SNTB1: variants seen among roughly 807,000 people sequenced by gnomAD.
SNTB1 encodes the protein syntrophin beta 1, also known as beta-1-syntrophin.
Under a neutral mutation model 48.9 loss-of-function variants are expected in SNTB1, and 36 were observed. The observed-to-expected ratio is 0.74, with a 90% CI of 0.56 to 0.97. The LOEUF is 0.97. Ranked by LOEUF, SNTB1 falls within the 50% of genes least tolerant of loss-of-function variation. The pLI is 0.00. For synonymous variants in SNTB1, 299 were observed against 294.6 expected, an observed-to-expected ratio of 1.01 and a Z score of -0.15; for missense variants, 786 against 703.4, an observed-to-expected ratio of 1.12 and a Z score of -1.33.
chr8:120,632,121 T>A (rs1451728997), intron 3 of SNTB1, among the ~76,000 whole-genome samples: 2 of 152,196 alleles, frequency 1.3e-5, no homozygotes, highest in African/African-American at 4.8e-5. Flanking sequence ...AGAGCTCTGT[T>A]CTGAGTTTGA....
At chr8:120,773,180 T>G (rs1007294089) in intron 1 of SNTB1, among the ~76,000 whole-genome samples, 1 of 152,120 alleles carries the variant, frequency 6.6e-6, no homozygotes, top group African/African-American at 2.4e-5. Flanking sequence ...TGGGGTAATA[T>G]GGAGGAAATC....
intron 1 of SNTB1, among the ~76,000 whole-genome samples, chr8:120,739,072 G>C (rs1044675041): frequency 6.6e-6 from 1 of 152,240 alleles, no homozygotes; most frequent in East Asian, 1.9e-4. Context: ...GAGGTCCTCA[G>C]AATGCGGCAA....
intron 1 of SNTB1, among the ~76,000 whole-genome samples, chr8:120,743,034 A>AG (rs1255099764): frequency 6.6e-6 from 1 of 152,216 alleles, no homozygotes; most frequent in African/African-American, 2.4e-5. Flanking sequence ...AAAAAAGTAA[A>AG]GTGAGGTAGG....
At chr8:120,690,329 T>C (rs539557791) in intron 2 of SNTB1, among the ~76,000 whole-genome samples, 3 of 152,320 alleles carry the variant, frequency 2.0e-5, no homozygotes, top group African/African-American at 7.2e-5. Flanking sequence ...GGGGGATTAC[T>C]GTATTTATCT....
chr8:120,801,342 A>G (rs1159804217), intron 1 of SNTB1, among the ~76,000 whole-genome samples: 1 of 152,074 alleles, frequency 6.6e-6, no homozygotes, highest in African/African-American at 2.4e-5. Context: ...AATTTCAGAT[A>G]TCCGTAATGG....
chr8:120,799,456 A>G (rs1476355046), intron 1 of SNTB1, among the ~76,000 whole-genome samples: 1 of 152,118 alleles, frequency 6.6e-6, no homozygotes. Context: ...ACAAAACAAC[A>G]AGAGGATGCT....
At chr8:120,680,595 G>T (rs1261482454) in intron 2 of SNTB1, among the ~76,000 whole-genome samples, 1 of 152,190 alleles carries the variant, frequency 6.6e-6, no homozygotes, top group Non-Finnish European at 1.5e-5. Flanking sequence ...AAGAGCAGGG[G>T]TGTCTTTGTG....
intron 3 of SNTB1, among the ~76,000 whole-genome samples, chr8:120,628,820 A>G (rs890238726): frequency 1.3e-5 from 2 of 152,128 alleles, no homozygotes; most frequent in African/African-American, 4.8e-5. Flanking sequence ...ATTGATGTGC[A>G]TGACCCATCT....
intron 1 of SNTB1, among the ~76,000 whole-genome samples, chr8:120,750,833 CT>C (rs1819201068): frequency 6.6e-6 from 1 of 152,072 alleles, no homozygotes; most frequent in Non-Finnish European, 1.5e-5. Flanking sequence ...GCAGAATCAG[CT>C]TTATGCATTA....
At chr8:120,728,345 T>C (rs932569238) in intron 1 of SNTB1, among the ~76,000 whole-genome samples, 1 of 152,206 alleles carries the variant, frequency 6.6e-6, no homozygotes, top group Non-Finnish European at 1.5e-5. Context: ...TTTTTCAAAA[T>C]TTGTTTTATA....
intron 1 of SNTB1, among the ~76,000 whole-genome samples, chr8:120,752,987 GAAAAAAAAAA>G (rs60198716): frequency 9.1e-5 from 7 of 76,562 alleles, no homozygotes; most frequent in African/African-American, 1.6e-4. Flanking sequence ...AAAGCTGGAA[GAAAAAAAAAA>G]AAAAAAAAAA....
chr8:120,725,262 A>G (rs1030882105), intron 1 of SNTB1, among the ~76,000 whole-genome samples: 6 of 152,112 alleles, frequency 3.9e-5, no homozygotes, highest in Non-Finnish European at 7.3e-5. Flanking sequence ...CAATTCTTCA[A>G]ATTGTCCCCA....
At chr8:120,595,164 A>G (rs1816302602) in intron 3 of SNTB1, among the ~76,000 whole-genome samples, 1 of 152,090 alleles carries the variant, frequency 6.6e-6, no homozygotes, top group African/African-American at 2.4e-5. Flanking sequence ...TTTGAACCAG[A>G]GCAACTCCAT....
At chr8:120,786,124 C>T (rs1267494089) in intron 1 of SNTB1, among the ~76,000 whole-genome samples, 2 of 152,194 alleles carry the variant, frequency 1.3e-5, no homozygotes, top group East Asian at 1.9e-4. Flanking sequence ...ACCACTGAAC[C>T]GTCTGCAGAT....
At chr8:120,650,453 C>A (rs1179161349) in intron 2 of SNTB1, among the ~76,000 whole-genome samples, 1 of 152,120 alleles carries the variant, frequency 6.6e-6, no homozygotes, top group African/African-American at 2.4e-5. Flanking sequence ...ATTCAGCAAC[C>A]TACCTTCCCC....
intron 1 of SNTB1, among the ~76,000 whole-genome samples, chr8:120,700,244 G>A (rs529882687): frequency 6.6e-6 from 1 of 151,774 alleles, no homozygotes; most frequent in South Asian, 2.1e-4. Flanking sequence ...CCAATTAAGA[G>A]GCTATTGCCT....
intron 3 of SNTB1, among the ~76,000 whole-genome samples, chr8:120,602,595 C>T (rs934900553): frequency 6.6e-6 from 1 of 152,130 alleles, no homozygotes; most frequent in African/African-American, 2.4e-5. Flanking sequence ...ATTTGCCAGC[C>T]CCTATAATCA....
chr8:120,796,162 T>C (rs949918948), intron 1 of SNTB1, among the ~76,000 whole-genome samples: 2 of 151,980 alleles, frequency 1.3e-5, no homozygotes, highest in Admixed American at 1.3e-4. Context: ...CTCTCTCTCC[T>C]GCCACCGTGG....
chr8:120,547,774 C>T (rs536117201), intron 5 of SNTB1, among the ~76,000 whole-genome samples: 1 of 152,134 alleles, frequency 6.6e-6, no homozygotes, highest in Non-Finnish European at 1.5e-5. Flanking sequence ...TGAATGTGGC[C>T]TGTGCTCACT....
Sources: allele counts gnomAD v4.1 joint callset (sites outside exome capture counted in the v4.1 genomes callset), GRCh38; gene constraint gnomAD v4.1.1; transcripts MANE v1.5; gene names NCBI Gene and HGNC (gene_info 2026-07-23, HGNC 2026-07-21).